MCM6: variants seen among roughly 807,000 people sequenced by gnomAD.
MCM6 encodes DNA replication licensing factor MCM6.
Under a neutral mutation model 94.3 loss-of-function variants are expected in MCM6, and 46 were observed. The observed-to-expected ratio is 0.49, with a 90% confidence interval of 0.39 to 0.62. The LOEUF is 0.62. MCM6 is among the 20% of genes least tolerant of loss of function. MCM6 has a pLI of 0.00. For synonymous variants in MCM6, 335 were observed against 351.9 expected, an observed-to-expected ratio of 0.95 and a Z score of 0.54; for missense variants, 865 against 1,017.9, an observed-to-expected ratio of 0.85 and a Z score of 2.04.
intron 3 of MCM6, 94 bp from the exon 4 acceptor site, chr2:135,868,954 T>A: frequency 6.2e-6 from 8 of 1,288,804 alleles, no homozygotes; most frequent in Non-Finnish European, 7.5e-6. Flanking sequence ...TAATTTATGT[T>A]TAAAAAAAAA....
Position 135,847,289 on chromosome 2 carries a change from G to A in MCM6, c.2053+764C>T, listed in dbSNP as rs76391426. Among the ~76,000 whole-genome samples, 302 of 152,124 alleles carry A rather than the reference G, an allele frequency of 2.0e-3. 5 individuals carry two copies. Among genetic ancestry groups the A allele is most frequent in the Admixed American group, 0.017 (264 of 15,282 alleles). ...AAAATTAGCCAGGAGTGGTGGCGTG[G>A]GCATATGTCCCAGCTATTAGAGAGG... is the stretch of plus-strand genomic sequence containing the variant. On this transcript the variant is annotated intron_variant, in intron 14 of 16. Coordinates refer to ENST00000264156, the MANE Select transcript of MCM6 (RefSeq NM_005915.6).
At chr2:135,865,830 C>T (rs546055029) in intron 6 of MCM6, among the ~76,000 whole-genome samples, 4 of 152,294 alleles carry the variant, frequency 2.6e-5, no homozygotes, top group South Asian at 2.1e-4. Flanking sequence ...CCAGATGTTT[C>T]AGAATCCTAT....
At chr2:135,850,202 C>T (rs372012340) in intron 13 of MCM6, among the ~76,000 whole-genome samples, 3 of 152,144 alleles carry the variant, frequency 2.0e-5, no homozygotes, top group African/African-American at 7.2e-5. Flanking sequence ...TGGGTTTAAA[C>T]GTCGGCACCT....
intron 13 of MCM6, among the ~76,000 whole-genome samples, chr2:135,849,902 T>C (rs567652448): frequency 6.6e-6 from 1 of 152,316 alleles, no homozygotes; most frequent in African/African-American, 2.4e-5. Flanking sequence ...GAGACAGAAA[T>C]AGCTCTTAAA....
At chr2:135,864,916 T>A in intron 7 of MCM6, 97 bp downstream of exon 7, 4 of 995,128 alleles carry the variant, frequency 4.0e-6, no homozygotes, top group Non-Finnish European at 5.5e-6. Flanking sequence ...CTAAAAACTT[T>A]CACAGTCTGA....
At chr2:135,856,624 A>G in intron 11 of MCM6, 104 bp downstream of exon 11, 1 of 981,844 alleles carries the variant, frequency 1.0e-6, no homozygotes, top group Non-Finnish European at 1.5e-6. Flanking sequence ...GGGAAATCAA[A>G]GGCTGGTGCA....
intron 1 of MCM6, 69 bp downstream of exon 1, chr2:135,876,190 A>G (rs1016239548): frequency 2.4e-6 from 3 of 1,259,620 alleles, no homozygotes; most frequent in South Asian, 3.3e-5. Flanking sequence ...CGCCGCCCAC[A>G]CGGCACCGCC....
At chr2:135,846,990 G>T (rs4988258) in intron 14 of MCM6, among the ~76,000 whole-genome samples, 2,236 of 149,876 alleles carry the variant, frequency 0.015, 56 homozygotes, top group African/African-American at 0.052. Flanking sequence ...GGCAACAAAA[G>T]CAAAACTCCA....
At chr2:135,846,157 G>GT (rs1357213111) in intron 15 of MCM6, 80 bp downstream of exon 15, 23 of 1,401,752 alleles carry the variant, frequency 1.6e-5, no homozygotes, top group Non-Finnish European at 2.3e-5. Flanking sequence ...ACAACACGAA[G>GT]TTTGGCAATC....
chr2:135,850,406 T>TCTCTC (rs10648294), intron 13 of MCM6, among the ~76,000 whole-genome samples: 149,425 of 152,114 alleles, frequency 0.98, 73,437 homozygotes, highest in East Asian at 1. Flanking sequence ...TCACCCACTC[T>TCTCTC]ATTTTTTACA....
chr2:135,872,352 G>A (rs987927387), intron 2 of MCM6, among the ~76,000 whole-genome samples: 2 of 152,148 alleles, frequency 1.3e-5, no homozygotes, highest in Non-Finnish European at 2.9e-5. Context: ...GGAGGCTGAC[G>A]CAGAAGAATC....
intron 15 of MCM6, among the ~76,000 whole-genome samples, chr2:135,845,830 G>C (rs1461411638): frequency 6.6e-6 from 1 of 152,134 alleles, no homozygotes; most frequent in Admixed American, 6.5e-5. Context: ...GTCTGCAATG[G>C]CCTTTTGATA....
Position 135,866,634 on chromosome 2 carries a change from T to C in MCM6, c.710A>G (p.Gln237Arg). 1 of 1,614,200 alleles carries C rather than the reference T, an allele frequency of 6.2e-7. No individual in the cohort carries two copies. ...ILRAEAVESA[Q>R]AGDKCDFTGT... Reference sequence around the variant, plus strand: ...TGTAAAGTCACACTTGTCACCAGCTTGAGCTGATTCCACAGCTTCAGCCCT... The same window carrying C: ...TGTAAAGTCACACTTGTCACCAGCTCGAGCTGATTCCACAGCTTCAGCCCT... Residue 237 changes from glutamine to arginine, a missense_variant, in exon 5 of 17, where the codon CAA becomes CGA. Around this residue, in one of 3 missense-constraint regions of MCM6, gnomAD observed 404 missense variants for 451.9 expected, o/e 0.89. Coordinates refer to ENST00000264156, the MANE Select transcript of MCM6 (RefSeq NM_005915.6).
chr2:135,876,410 A>G lies in MCM6; in HGVS notation c.-45T>C. On this transcript the variant is annotated 5_prime_UTR_variant, in exon 1 of 17. Coordinates refer to ENST00000264156, the MANE Select transcript of MCM6 (RefSeq NM_005915.6). ...TTCGCCTGCGCCACGCTCGACCGCCACAAGTCGCTTTTTTCCAGACGCTGC... is the reference window on the plus strand; with the variant it reads ...TTCGCCTGCGCCACGCTCGACCGCCGCAAGTCGCTTTTTTCCAGACGCTGC... 2.6e-6 allele frequency: 4 copies of G among 1,522,564 alleles called. No individual in the cohort carries two copies. The highest frequency in any genetic ancestry group is 2.0e-5 in the Admixed American group (1 of 49,798). 94.3% of individuals were successfully genotyped at this position (1,522,564 alleles called of 1,614,324 possible). A position where few individuals can be genotyped will look rare whatever the true frequency, so the allele number is the denominator to read the frequency against.
At chr2:135,875,506 A>G (rs1387525454) in intron 1 of MCM6, among the ~76,000 whole-genome samples, 1 of 152,190 alleles carries the variant, frequency 6.6e-6, no homozygotes, top group African/African-American at 2.4e-5. Flanking sequence ...AGAACTTCAA[A>G]AGCCATTCCA....
intron 7 of MCM6, 68 bp downstream of exon 7, chr2:135,864,945 T>C (rs1680063305): frequency 8.2e-7 from 1 of 1,213,040 alleles, no homozygotes; most frequent in African/African-American, 1.5e-5. Flanking sequence ...CTTTCAGAAA[T>C]CACCTGTGGC....
At chr2:135,842,146 T>G (rs1193843487) in intron 16 of MCM6, among the ~76,000 whole-genome samples, 1 of 151,932 alleles carries the variant, frequency 6.6e-6, no homozygotes, top group Non-Finnish European at 1.5e-5. Context: ...GTAATTCAAG[T>G]TTAGATCAGT....
intron 16 of MCM6, among the ~76,000 whole-genome samples, chr2:135,841,306 T>C (rs957954594): frequency 7.1e-6 from 1 of 140,568 alleles, no homozygotes; most frequent in Admixed American, 7.6e-5. Context: ...GTCTGTTTCA[T>C]ACTTAATATC....
At chr2:135,865,398 C>T (rs552519360) in intron 6 of MCM6, among the ~76,000 whole-genome samples, 3 of 152,242 alleles carry the variant, frequency 2.0e-5, no homozygotes, top group South Asian at 2.1e-4. Flanking sequence ...TACCTGAATG[C>T]TCAAGAGATA....
Sources: allele counts gnomAD v4.1 joint callset (sites outside exome capture counted in the v4.1 genomes callset), GRCh38; gene constraint gnomAD v4.1.1; regional missense constraint gnomAD v4.1.1; transcripts MANE v1.5; gene names NCBI Gene and HGNC (gene_info 2026-07-23, HGNC 2026-07-21).